The following COL24A1 variants were observed in gnomAD, a reference collection of about 807,000 sequenced individuals.
COL24A1 encodes the protein collagen alpha-1(XXIV) chain.
COL24A1 carries 224 observed loss-of-function variants against 253.9 expected under a neutral mutation model. The ratio of observed to expected loss-of-function variants is 0.88; its 90% CI spans 0.79 to 0.99. The LOEUF is 0.99. Among genes scored for constraint, COL24A1 ranks in the 50% least tolerant of loss-of-function variants. The pLI is 0.00. For missense variants in COL24A1, 2,131 were observed against 2,068.5 expected, an observed-to-expected ratio of 1.03 and a Z score of -0.59; for synonymous variants, 685 against 673.7, an observed-to-expected ratio of 1.02 and a Z score of -0.26.
chr1:85,849,351 A>G lies in COL24A1; in HGVS notation c.3354+2T>C, dbSNP rs1478744334. 6.2e-7 allele frequency: 1 copy of G among 1,611,974 alleles called. No homozygotes were observed. Among genetic ancestry groups the G allele is most frequent in the Non-Finnish European group, 8.5e-7 (1 of 1,178,420 alleles). On this transcript the variant is annotated splice_donor_variant, in intron 38 of 59. Coordinates refer to ENST00000370571, the MANE Select transcript of COL24A1 (RefSeq NM_152890.7). LOFTEE classifies it high-confidence loss of function. Reference sequence around the variant, plus strand: ...CCTGCATAAGAAGATGTAAAAAATTACCTTTTTTCCTGGACGACCTCTTTG... The same window carrying G: ...CCTGCATAAGAAGATGTAAAAAATTGCCTTTTTTCCTGGACGACCTCTTTG...
intron 32 of COL24A1, among the ~76,000 whole-genome samples, chr1:85,878,866 G>A (rs11161698): frequency 0.21 from 32,531 of 151,982 alleles, 3,822 homozygotes; most frequent in Non-Finnish European, 0.24. Flanking sequence ...ATTCTTCTAT[G>A]CCATTTCTAT....
At position 85,772,555 on chromosome 1, in the gene COL24A1, C is replaced by T. The variant is rs185993570; in HGVS notation, c.4374+3119G>A. Among the ~76,000 whole-genome samples the T allele has an allele frequency of 7.0e-4, 107 of 151,992 alleles. 2 individuals are homozygous for T. In the East Asian group the frequency reaches 0.011, roughly 16 times the overall value. On this transcript the variant is annotated intron_variant, in intron 53 of 59. Coordinates refer to ENST00000370571, the MANE Select transcript of COL24A1 (RefSeq NM_152890.7). Reference sequence around the variant, plus strand: ...CACAATAGCCTGACTTTTTAATGATCGCCATTCTAACTGGTGTGAGATGGT... The same window carrying T: ...CACAATAGCCTGACTTTTTAATGATTGCCATTCTAACTGGTGTGAGATGGT...
chr1:86,044,736 C>A (rs1157729559), intron 12 of COL24A1, among the ~76,000 whole-genome samples: 1 of 152,044 alleles, frequency 6.6e-6, no homozygotes, highest in Admixed American at 6.5e-5. Context: ...CAGAAGTTGT[C>A]TATAAAGGTC....
rs573206943 is a variant in COL24A1 at position 86,025,939 on chromosome 1, T to C, written c.2050-2932A>G. On this transcript the variant is annotated intron_variant, in intron 14 of 59. Coordinates refer to ENST00000370571, the MANE Select transcript of COL24A1 (RefSeq NM_152890.7). Reference sequence around the variant, plus strand: ...AATATCTCCTTTGTGAAGCCTACTCTGACTTTCTGAGATAACAGAAATTGC... The same window carrying C: ...AATATCTCCTTTGTGAAGCCTACTCCGACTTTCTGAGATAACAGAAATTGC... 3.3e-5 allele frequency among the ~76,000 whole-genome samples: 5 copies of C among 152,346 alleles called. No individual in the cohort carries two copies. In the South Asian group the frequency reaches 8.3e-4, roughly 25 times the overall value.
At chr1:86,139,378 G>A (rs1414448345) in intron 2 of COL24A1, among the ~76,000 whole-genome samples, 2 of 152,114 alleles carry the variant, frequency 1.3e-5, no homozygotes, top group African/African-American at 4.8e-5. Flanking sequence ...AGATATGGGA[G>A]ATCCAATGGT....
At chr1:85,826,935 T>C (rs1349191553) in intron 43 of COL24A1, among the ~76,000 whole-genome samples, 2 of 152,048 alleles carry the variant, frequency 1.3e-5, no homozygotes, top group Non-Finnish European at 2.9e-5. Flanking sequence ...CCTGCCTAAT[T>C]GCCCTGGCCA....
intron 11 of COL24A1, among the ~76,000 whole-genome samples, chr1:86,047,629 T>G (rs1200197491): frequency 6.6e-6 from 1 of 152,058 alleles, no homozygotes; most frequent in Non-Finnish European, 1.5e-5. Context: ...TATATGTTTA[T>G]TAAAATCTTC....
intron 24 of COL24A1, among the ~76,000 whole-genome samples, chr1:85,925,119 T>C (rs1397099287): frequency 9.2e-5 from 14 of 152,278 alleles, no homozygotes; most frequent in African/African-American, 2.4e-4. Flanking sequence ...TTACAAGGGA[T>C]GTGAAGGACC....
At chr1:86,067,689 T>C (rs922088075) in intron 7 of COL24A1, among the ~76,000 whole-genome samples, 9 of 152,320 alleles carry the variant, frequency 5.9e-5, no homozygotes, top group African/African-American at 2.2e-4. Flanking sequence ...ATCTCCACTA[T>C]TATATAAAGA....
At position 85,734,902 on chromosome 1, in the gene COL24A1, G is replaced by A. The variant is rs754889472; in HGVS notation, c.4845C>T (p.Thr1615=). Residue 1615 remains threonine (T), a synonymous_variant, in exon 59 of 60, where the codon ACC becomes ACT. Transcript: ENST00000370571. ...TTAGACAGTGAATGGTGATGATATG[G>A]GTGGCTTCCGAACTCAGTAAATGAA... The part of the protein sequence containing the change: ...NFLHLLSSEA[T]HIITIHCLNT... 1.2e-6 allele frequency: 2 copies of A among 1,614,158 alleles called. No homozygotes were observed. The highest frequency in any genetic ancestry group is 1.3e-5 in the African/African-American group (1 of 75,040).
At chr1:86,028,215 A>G (rs114604844) in intron 14 of COL24A1, among the ~76,000 whole-genome samples, 1,802 of 152,340 alleles carry the variant, frequency 0.012, 38 homozygotes, top group African/African-American at 0.041. Context: ...GGAATGAGCT[A>G]GAACTTTGGG....
intron 5 of COL24A1, among the ~76,000 whole-genome samples, chr1:86,105,134 G>T (rs1180282416): frequency 6.6e-6 from 1 of 152,182 alleles, no homozygotes; most frequent in East Asian, 1.9e-4. Context: ...CAGGGGTGGG[G>T]TGCTGGCAGG....
intron 5 of COL24A1, among the ~76,000 whole-genome samples, chr1:86,106,789 A>G (rs1479577113): frequency 6.6e-6 from 1 of 152,184 alleles, no homozygotes; most frequent in Non-Finnish European, 1.5e-5. Flanking sequence ...TGTTTCTACC[A>G]TCAGTCTCCT....
chr1:85,959,729 T>C (rs1690828742), intron 24 of COL24A1, among the ~76,000 whole-genome samples: 1 of 152,170 alleles, frequency 6.6e-6, no homozygotes, highest in Non-Finnish European at 1.5e-5. Flanking sequence ...CTGTTTCCTC[T>C]TTGGAAAGCA....
chr1:85,844,446 A>T (rs1232881331), intron 39 of COL24A1, among the ~76,000 whole-genome samples: 1 of 152,058 alleles, frequency 6.6e-6, no homozygotes, highest in Non-Finnish European at 1.5e-5. Context: ...TTCATAATGC[A>T]TTTATTAAAT....
At chr1:86,141,478 C>A (rs1035160699) in intron 2 of COL24A1, among the ~76,000 whole-genome samples, 1 of 152,142 alleles carries the variant, frequency 6.6e-6, no homozygotes, top group South Asian at 2.1e-4. Context: ...ATCCTCCCCC[C>A]ATCAACCCAA....
chr1:85,832,910 C>T (rs1675505024), intron 43 of COL24A1, among the ~76,000 whole-genome samples: 1 of 151,170 alleles, frequency 6.6e-6, no homozygotes, highest in South Asian at 2.1e-4. Context: ...TAACTGAATA[C>T]CCTTTATTTC....
intron 4 of COL24A1, among the ~76,000 whole-genome samples, chr1:86,113,993 T>A (rs1705878043): frequency 6.6e-6 from 1 of 151,954 alleles, no homozygotes; most frequent in Admixed American, 6.6e-5. Context: ...GTAAGGACAA[T>A]GGAATATAAA....
At chr1:85,937,061 C>G (rs1688302539) in intron 24 of COL24A1, among the ~76,000 whole-genome samples, 1 of 147,516 alleles carries the variant, frequency 6.8e-6, no homozygotes, top group Non-Finnish European at 1.5e-5. Flanking sequence ...ATATTCCCAG[C>G]CAGTACCTCT....
Sources: gnomAD v4.1 joint callset for allele counts (sites outside exome capture counted in the v4.1 genomes callset) on GRCh38, gnomAD v4.1.1 for gene constraint, MANE v1.5 for transcripts, NCBI Gene and HGNC (gene_info 2026-07-23, HGNC 2026-07-21) for gene names.